The following ACOXL variants were observed in gnomAD, a reference collection of about 807,000 sequenced individuals.
ACOXL encodes acyl-CoA oxidase like.
ACOXL carries 70 observed loss-of-function variants against 71.9 expected under a neutral mutation model. The ratio of observed to expected loss-of-function variants is 0.97; its 90% CI spans 0.80 to 1.19. The LOEUF is 1.19. ACOXL is among the 50% of genes most tolerant of loss of function. ACOXL has a pLI of 0.00. For missense variants in ACOXL, 703 were observed against 736.3 expected, an observed-to-expected ratio of 0.95 and a Z score of 0.52; for synonymous variants, 253 against 281.6, an observed-to-expected ratio of 0.90 and a Z score of 1.02.
chr2:110,867,042 G>T (rs1694688778), intron 10 of ACOXL, among the ~76,000 whole-genome samples: 1 of 152,180 alleles, frequency 6.6e-6, no homozygotes, highest in South Asian at 2.1e-4. Flanking sequence ...CCTTGGTCTG[G>T]CCTTGAAGGA....
intron 14 of ACOXL, among the ~76,000 whole-genome samples, chr2:111,011,881 T>TAAAAAA (rs35965746): frequency 8.9e-6 from 1 of 112,558 alleles, no homozygotes; most frequent in African/African-American, 3.4e-5. Flanking sequence ...GAGACTCTGT[T>TAAAAAA]AAAAAAAAAA....
intron 3 of ACOXL, among the ~76,000 whole-genome samples, chr2:110,789,955 A>T (rs1382196028): frequency 6.6e-6 from 1 of 152,240 alleles, no homozygotes; most frequent in African/African-American, 2.4e-5. Flanking sequence ...GGACAGGGGC[A>T]CACTCAGAAC....
intron 10 of ACOXL, among the ~76,000 whole-genome samples, chr2:110,872,258 C>T (rs941511067): frequency 6.6e-6 from 1 of 152,186 alleles, no homozygotes; most frequent in African/African-American, 2.4e-5. Flanking sequence ...ATCATTTGTT[C>T]TGCCTTCTTT....
chr2:110,917,012 A>C (rs1046630509), intron 11 of ACOXL, among the ~76,000 whole-genome samples: 24 of 152,220 alleles, frequency 1.6e-4, no homozygotes, highest in African/African-American at 5.1e-4. Flanking sequence ...TTCTGAAACT[A>C]TTCCAAAAAA....
intron 15 of ACOXL, among the ~76,000 whole-genome samples, chr2:111,040,640 G>A (rs2065736685): frequency 6.6e-6 from 1 of 152,206 alleles, no homozygotes; most frequent in Non-Finnish European, 1.5e-5. Flanking sequence ...GGCAGGGGGT[G>A]CAGGGTCCAC....
At position 111,013,392 on chromosome 2, in the gene ACOXL, C is replaced by T. The variant is rs541372650; in HGVS notation, c.1281+17388C>T. The stretch of plus-strand genomic sequence containing the variant: ...TACAAAAATTAGCCAGGTGTTGTGG[C>T]GGGCACCTGTAATCCCACTGCTTGG... On this transcript the variant is annotated intron_variant, in intron 14 of 17. Transcript: ENST00000439055. Among the ~76,000 whole-genome samples the T allele has an allele frequency of 1.1e-3, 169 of 151,724 alleles. 2 individuals carry two copies. The South Asian group carries it at 0.027, about 24-fold the overall frequency.
At chr2:110,824,048 A>G (rs1342579875) in intron 9 of ACOXL, among the ~76,000 whole-genome samples, 3 of 152,216 alleles carry the variant, frequency 2.0e-5, no homozygotes, top group Admixed American at 6.5e-5. Flanking sequence ...ACCCAAGGCC[A>G]TATAGATTTT....
At chr2:110,912,982 A>G (rs1390219584) in intron 11 of ACOXL, among the ~76,000 whole-genome samples, 1 of 152,232 alleles carries the variant, frequency 6.6e-6, no homozygotes, top group East Asian at 1.9e-4. Context: ...AAGATGTACA[A>G]ATAACCAATA....
intron 10 of ACOXL, among the ~76,000 whole-genome samples, chr2:110,870,771 G>T (rs1695176442): frequency 6.6e-6 from 1 of 152,154 alleles, no homozygotes; most frequent in South Asian, 2.1e-4. Flanking sequence ...TGTAATTTCT[G>T]ATCAAAATCA....
intron 9 of ACOXL, among the ~76,000 whole-genome samples, chr2:110,813,890 A>G (rs963740390): frequency 1.3e-5 from 2 of 151,998 alleles, no homozygotes; most frequent in Non-Finnish European, 1.5e-5. Context: ...CCTGATTCCC[A>G]TTTTCCACAT....
At chr2:110,886,480 G>A (rs1011495128) in intron 10 of ACOXL, among the ~76,000 whole-genome samples, 2 of 150,488 alleles carry the variant, frequency 1.3e-5, no homozygotes, top group African/African-American at 4.9e-5. Flanking sequence ...GGGTTTAAGC[G>A]ATTCTCCTGC....
intron 10 of ACOXL, among the ~76,000 whole-genome samples, chr2:110,874,620 A>AGG (rs1371413268): frequency 6.6e-6 from 1 of 152,024 alleles, no homozygotes; most frequent in Non-Finnish European, 1.5e-5. Context: ...AGCACAGGGG[A>AGG]GGGGAGTGGT....
intron 9 of ACOXL, among the ~76,000 whole-genome samples, chr2:110,831,433 A>T (rs1225773382): frequency 1.3e-5 from 2 of 152,242 alleles, no homozygotes; most frequent in African/African-American, 4.8e-5. Context: ...AAATTATATG[A>T]TGATGAAAGA....
intron 16 of ACOXL, among the ~76,000 whole-genome samples, chr2:111,062,027 C>G (rs1349186952): frequency 6.6e-6 from 1 of 151,258 alleles, no homozygotes; most frequent in Non-Finnish European, 1.5e-5. Context: ...AATGTAAAGG[C>G]AAAAATTTAA....
At chr2:110,818,451 G>GTGTGTGTGTGTGTGTA (rs1373497384) in intron 9 of ACOXL, among the ~76,000 whole-genome samples, 23 of 135,816 alleles carry the variant, frequency 1.7e-4, no homozygotes, top group African/African-American at 6.1e-4. Flanking sequence ...GTGTGTGTGT[G>GTGTGTGTGTGTGTGTA]TATATATATA....
chr2:110,857,550 A>G (rs886929742), intron 10 of ACOXL, among the ~76,000 whole-genome samples: 2 of 152,200 alleles, frequency 1.3e-5, no homozygotes, highest in African/African-American at 4.8e-5. Context: ...AAATATTTTT[A>G]TTATGGAAAA....
At position 110,976,602 on chromosome 2, in the gene ACOXL, G is replaced by A. The variant is rs533897978; in HGVS notation, c.1060-10506G>A. Among the ~76,000 whole-genome samples, 3 of 152,314 alleles carry A rather than the reference G, an allele frequency of 2.0e-5. No homozygotes were observed. The South Asian group carries it at 6.2e-4, about 32-fold the overall frequency. On this transcript the variant is annotated intron_variant, in intron 12 of 17. Coordinates refer to ENST00000439055, the MANE Select transcript of ACOXL (RefSeq NM_001142807.4). ...AGAAATGAAGAATTTAAAAGACATG[G>A]ATGCTTTTGGGAGCTAACCCAAGTG... is the stretch of plus-strand genomic sequence containing the variant.
intron 10 of ACOXL, among the ~76,000 whole-genome samples, chr2:110,857,590 G>A (rs1693413536): frequency 6.6e-6 from 1 of 152,138 alleles, no homozygotes; most frequent in Non-Finnish European, 1.5e-5. Context: ...TAGCATAGTG[G>A]ATTCCCTATT....
At chr2:110,936,058 A>G (rs2060651867) in intron 12 of ACOXL, among the ~76,000 whole-genome samples, 1 of 151,802 alleles carries the variant, frequency 6.6e-6, no homozygotes. Flanking sequence ...CCCACCACTT[A>G]CCTCTTGCTG....
Sources: gnomAD v4.1 joint callset for allele counts (sites outside exome capture counted in the v4.1 genomes callset) on GRCh38, gnomAD v4.1.1 for gene constraint, MANE v1.5 for transcripts, NCBI Gene and HGNC (gene_info 2026-07-23, HGNC 2026-07-21) for gene names.